ENOX2: variants seen among roughly 807,000 people sequenced by gnomAD.
The protein encoded by ENOX2 is APK1 antigen.
ENOX2 carries 36 observed loss-of-function variants against 45.0 expected under a neutral mutation model. The ratio of observed to expected loss-of-function variants is 0.80; its 90% CI spans 0.61 to 1.06. ENOX2 has a LOEUF of 1.06. ENOX2 is among the 50% of genes least tolerant of loss of function. ENOX2 has a pLI of 0.00. For missense variants in ENOX2, 423 were observed against 462.5 expected (o/e 0.91, Z 0.78); for synonymous variants, 174 against 152.3 (o/e 1.14, Z -1.05).
At chrX:130,723,957 A>G (rs890846748) in intron 3 of ENOX2, among the ~76,000 whole-genome samples, 9 of 111,744 alleles carry the variant, frequency 8.1e-5, no homozygotes, top group Admixed American at 5.7e-4. Context: ...CTGTCAAATT[A>G]CCCGTCCCCC....
At chrX:130,721,409 C>T (rs1477880697) in intron 3 of ENOX2, among the ~76,000 whole-genome samples, 1 of 112,159 alleles carries the variant, frequency 8.9e-6, no homozygotes, top group African/African-American at 3.2e-5. Context: ...GAGTGTTATT[C>T]CACTCATAGT....
intron 2 of ENOX2, among the ~76,000 whole-genome samples, chrX:130,821,352 T>C (rs1172098883): frequency 4.2e-5 from 4 of 95,721 alleles, no homozygotes; most frequent in Non-Finnish European, 8.3e-5. Flanking sequence ...CATGGAATAC[T>C]ATGCAGCCAT....
chrX:130,753,012 C>G (rs2039263849), intron 3 of ENOX2, among the ~76,000 whole-genome samples: 1 of 110,922 alleles, frequency 9.0e-6, no homozygotes, highest in African/African-American at 3.3e-5. Flanking sequence ...CTCTGCAATA[C>G]CCGCAACACC....
At chrX:130,861,070 C>T (rs888055324) in intron 2 of ENOX2, among the ~76,000 whole-genome samples, 2 of 111,491 alleles carry the variant, frequency 1.8e-5, no homozygotes, top group African/African-American at 6.5e-5. Context: ...TATCACCTCA[C>T]ACCTGCTTGG....
intron 2 of ENOX2, among the ~76,000 whole-genome samples, chrX:130,812,806 C>A (rs1188205025): frequency 9.0e-6 from 1 of 111,605 alleles, no homozygotes; most frequent in Non-Finnish European, 1.9e-5. Flanking sequence ...AAAAATCAAT[C>A]CTGAAATTTG....
At chrX:130,884,872 T>C (rs931746496) in intron 2 of ENOX2, among the ~76,000 whole-genome samples, 29 of 111,750 alleles carry the variant, frequency 2.6e-4, no homozygotes, top group African/African-American at 8.1e-4. Flanking sequence ...TTCACATTCA[T>C]AGCCAGTATA....
intron 2 of ENOX2, among the ~76,000 whole-genome samples, chrX:130,892,269 C>T (rs1023153983): frequency 8.9e-6 from 1 of 112,393 alleles, no homozygotes; most frequent in Non-Finnish European, 1.9e-5. Flanking sequence ...AACTAACTTG[C>T]ATCTTATGGT....
chrX:130,863,633 T>C (rs1350320550), intron 2 of ENOX2, among the ~76,000 whole-genome samples: 1 of 112,350 alleles, frequency 8.9e-6, no homozygotes. Context: ...AAATTGAATT[T>C]AAAGATCTGC....
chrX:130,704,128 A>G (rs1569490022), intron 3 of ENOX2, among the ~76,000 whole-genome samples: 2 of 112,217 alleles, frequency 1.8e-5, no homozygotes, highest in Non-Finnish European at 3.8e-5. Flanking sequence ...CAGAATGTAT[A>G]ATTTTTAGCC....
At chrX:130,690,223 C>G (rs1603306758) in intron 4 of ENOX2, among the ~76,000 whole-genome samples, 1 of 111,433 alleles carries the variant, frequency 9.0e-6, no homozygotes, top group Non-Finnish European at 1.9e-5. Flanking sequence ...AACCAGAATA[C>G]AAGGAGGAGC....
intron 10 of ENOX2, among the ~76,000 whole-genome samples, chrX:130,638,070 T>G (rs1186701303): frequency 9.2e-6 from 1 of 108,877 alleles, no homozygotes; most frequent in Non-Finnish European, 1.9e-5. Context: ...TTCCTTCCTT[T>G]TTTTTTTTTC....
chrX:130,816,095 CA>C (rs1648116991), intron 2 of ENOX2, among the ~76,000 whole-genome samples: 2 of 110,291 alleles, frequency 1.8e-5, no homozygotes, highest in Admixed American at 9.6e-5. Flanking sequence ...AACAAACAAA[CA>C]AAAAAAGCAG....
chrX:130,848,332 G>A (rs1002752522), intron 2 of ENOX2, among the ~76,000 whole-genome samples: 2 of 111,157 alleles, frequency 1.8e-5, no homozygotes, highest in Non-Finnish European at 3.8e-5. Flanking sequence ...GAAAAAAAAA[G>A]CAGAGAGTAA....
At chrX:130,704,748 T>C (rs776735033) in intron 3 of ENOX2, among the ~76,000 whole-genome samples, 7 of 112,315 alleles carry the variant, frequency 6.2e-5, no homozygotes, top group Non-Finnish European at 1.3e-4. Flanking sequence ...TTGTCATTTT[T>C]CTGTGCTGCC....
At chrX:130,872,969 T>G (rs1166711515) in intron 2 of ENOX2, among the ~76,000 whole-genome samples, 1 of 111,693 alleles carries the variant, frequency 9.0e-6, no homozygotes, top group Non-Finnish European at 1.9e-5. Context: ...GCAATACCAT[T>G]CAGGACATAG....
rs1466928806 is a variant in ENOX2, at chrX:130,759,718, T to C, written c.-39+23829A>G. Among the ~76,000 whole-genome samples, 3 of 110,471 alleles carry C rather than the reference T, an allele frequency of 2.7e-5. No homozygotes were observed. In the Admixed American group the frequency reaches 2.9e-4, roughly 11 times the overall value. ...TGATTACTGTAGCTATATAGCAAAA[T>C]TTAATATTGTGTAGACTGATTCTTC... is the stretch of plus-strand genomic sequence containing the variant. On this transcript the variant is annotated intron_variant, in intron 3 of 14. Coordinates refer to ENST00000394363, the MANE Select transcript of ENOX2 (RefSeq NM_006375.4).
At position 130,632,365 on chromosome X, in the gene ENOX2, G is replaced by GGT. The variant is rs1491578930; in HGVS notation, c.1420-790_1420-789insAC. On this transcript the variant is annotated intron_variant, in intron 12 of 14. Transcript: ENST00000394363. ...CTTTCAGAATGTAGCAGGAAGGGGCGGGGGGGGGGGGTGGTCCTAAGAGAA... is the reference window on the plus strand; with the variant it reads ...CTTTCAGAATGTAGCAGGAAGGGGCGGTGGGGGGGGGGGTGGTCCTAAGAGAA... Among the ~76,000 whole-genome samples the GGT allele has an allele frequency of 5.6e-4, 3 of 5,379 alleles. No individual in the cohort carries two copies. In the Non-Finnish European group the frequency reaches 6.1e-3, roughly 11 times the overall value. The allele number at this position is 5,379 out of a possible 115,157, so 4.7% of individuals were successfully genotyped here. A position where few individuals can be genotyped will look rare whatever the true frequency, so the allele number is the denominator to read the frequency against.
At chrX:130,711,425 C>T (rs1005395296) in intron 3 of ENOX2, among the ~76,000 whole-genome samples, 2 of 110,560 alleles carry the variant, frequency 1.8e-5, no homozygotes, top group Non-Finnish European at 3.8e-5. Flanking sequence ...CTTTTGTAGG[C>T]TTTTGTAATA....
chrX:130,784,489 A>G (rs1239795356), intron 2 of ENOX2, among the ~76,000 whole-genome samples: 1 of 111,478 alleles, frequency 9.0e-6, no homozygotes, highest in African/African-American at 3.3e-5. Context: ...AGCTTTTTTA[A>G]AGCCCAAAGT....
Sources: gnomAD v4.1 joint callset for allele counts (sites outside exome capture counted in the v4.1 genomes callset) on GRCh38, gnomAD v4.1.1 for gene constraint, MANE v1.5 for transcripts, NCBI Gene and HGNC (gene_info 2026-07-23, HGNC 2026-07-21) for gene names.